SGCZ: variants seen among roughly 807,000 people sequenced by gnomAD.
The protein encoded by SGCZ is zeta-sarcoglycan.
Under a neutral mutation model 41.3 loss-of-function variants are expected in SGCZ, and 40 were observed. That is an observed-to-expected ratio of 0.97 (90% CI 0.75 to 1.26). The LOEUF (loss-of-function observed/expected upper bound fraction) is 1.26. Ranked by LOEUF, SGCZ falls within the 50% of genes most tolerant of loss-of-function variation. The probability of loss-of-function intolerance (pLI) is 0.00; values close to 1 mark genes in which losing one functional copy is unlikely to be tolerated. For missense variants in SGCZ, 552 were observed against 369.8 expected, an observed-to-expected ratio of 1.49 and a Z score of -4.04; for synonymous variants, 206 against 137.5, an observed-to-expected ratio of 1.50 and a Z score of -3.49.
intron 2 of SGCZ, among the ~76,000 whole-genome samples, chr8:14,402,694 T>G: frequency 6.8e-6 from 1 of 146,178 alleles, no homozygotes; most frequent in Admixed American, 6.6e-5. Flanking sequence ...TACTATAGCC[T>G]TGTAGTATAG....
chr8:14,202,592 C>G (rs1442017573), intron 4 of SGCZ, among the ~76,000 whole-genome samples: 1 of 151,968 alleles, frequency 6.6e-6, no homozygotes, highest in Admixed American at 6.6e-5. Context: ...TATTCTAAAG[C>G]TAGGTTGGTA....
At chr8:14,586,560 T>C (rs190237463) in intron 1 of SGCZ, among the ~76,000 whole-genome samples, 171 of 152,260 alleles carry the variant, frequency 1.1e-3, no homozygotes, top group African/African-American at 3.9e-3. Context: ...ATTTTAAGCA[T>C]TTTTAATTAA....
intron 1 of SGCZ, among the ~76,000 whole-genome samples, chr8:15,113,207 C>CAA (rs59453647): frequency 1.8e-4 from 23 of 128,166 alleles, no homozygotes; most frequent in African/African-American, 4.6e-4. Context: ...AGACCTGGCT[C>CAA]AAAAAAAAAA....
At chr8:14,651,175 T>C (rs1262292421) in intron 1 of SGCZ, among the ~76,000 whole-genome samples, 1 of 152,050 alleles carries the variant, frequency 6.6e-6, no homozygotes, top group East Asian at 1.9e-4. Flanking sequence ...CATTTAAATA[T>C]ACACTATGAG....
chr8:14,290,022 C>T (rs890475711), intron 3 of SGCZ, among the ~76,000 whole-genome samples: 67 of 151,804 alleles, frequency 4.4e-4, no homozygotes, highest in African/African-American at 1.0e-3. Context: ...AGCATTATCA[C>T]GAGAACAGCA....
intron 4 of SGCZ, among the ~76,000 whole-genome samples, chr8:14,230,150 T>G (rs559026608): frequency 2.4e-4 from 36 of 152,220 alleles, no homozygotes; most frequent in African/African-American, 7.5e-4. Context: ...TAAGGACCAG[T>G]AGATTCATCA....
intron 1 of SGCZ, among the ~76,000 whole-genome samples, chr8:14,648,876 T>G (rs1410567124): frequency 2.0e-5 from 3 of 152,124 alleles, no homozygotes; most frequent in African/African-American, 7.2e-5. Flanking sequence ...GTTTTACTGC[T>G]GGCATATATT....
At chr8:14,751,492 G>T (rs1311657971) in intron 1 of SGCZ, among the ~76,000 whole-genome samples, 1 of 152,108 alleles carries the variant, frequency 6.6e-6, no homozygotes. Context: ...TAAAGGCCAT[G>T]AAAAGGATTA....
intron 3 of SGCZ, among the ~76,000 whole-genome samples, chr8:14,257,025 T>C (rs556358738): frequency 1.6e-4 from 25 of 152,234 alleles, no homozygotes; most frequent in Non-Finnish European, 3.4e-4. Flanking sequence ...TGATACAATA[T>C]TAAGCTAGAT....
At chr8:14,183,464 A>G (rs1393275350) in intron 4 of SGCZ, among the ~76,000 whole-genome samples, 1 of 152,204 alleles carries the variant, frequency 6.6e-6, no homozygotes, top group Non-Finnish European at 1.5e-5. Flanking sequence ...AAAAATTACA[A>G]GATAATTTTG....
At position 14,294,500 on chromosome 8, in the gene SGCZ, T is replaced by G. The variant is rs59870555; in HGVS notation, c.336+29603A>C. Among the ~76,000 whole-genome samples, 953 of 152,108 alleles carry G rather than the reference T, an allele frequency of 6.3e-3. 9 individuals carry two copies. The highest frequency in any genetic ancestry group is 0.022 in the African/African-American group (913 of 41,536). ...AACATTGCTGCGATCTTATCTTACA[T>G]AAATTTTTTTAGATACAGTACCAAA... On this transcript the variant is annotated intron_variant, in intron 3 of 7. Transcript: ENST00000382080.
In SGCZ at chr8:14,290,517, T is replaced by C. The variant is rs575226259; in HGVS notation, c.336+33586A>G. Among the ~76,000 whole-genome samples, 13 of 152,122 alleles carry C rather than the reference T, an allele frequency of 8.5e-5. No individual in the cohort carries two copies. In the East Asian group the frequency reaches 2.5e-3, roughly 29 times the overall value. Reference sequence around the variant, plus strand: ...ACAAAATAATGACCTCATTTAAAAATGGGTCAAAAACCTGAATAGACATTT... The same window carrying C: ...ACAAAATAATGACCTCATTTAAAAACGGGTCAAAAACCTGAATAGACATTT... On this transcript the variant is annotated intron_variant, in intron 3 of 7. Coordinates refer to ENST00000382080, the MANE Select transcript of SGCZ (RefSeq NM_139167.4).
chr8:14,400,759 T>TA (rs910027226), intron 2 of SGCZ, among the ~76,000 whole-genome samples: 5 of 133,876 alleles, frequency 3.7e-5, no homozygotes, highest in Admixed American at 2.2e-4. Flanking sequence ...TAATCAATAG[T>TA]ATTTTTTTTT....
chr8:14,093,438 G>A (rs1801749069), intron 7 of SGCZ, among the ~76,000 whole-genome samples: 2 of 152,050 alleles, frequency 1.3e-5, no homozygotes, highest in African/African-American at 4.8e-5. Context: ...TACAAGATCT[G>A]GCCTATCTCT....
chr8:14,929,087 G>T (rs989894431), intron 1 of SGCZ, among the ~76,000 whole-genome samples: 2 of 152,196 alleles, frequency 1.3e-5, no homozygotes, highest in South Asian at 4.1e-4. Context: ...CACCTCCCGG[G>T]TTCAAGTGAT....
At chr8:14,753,222 A>T (rs897409052) in intron 1 of SGCZ, among the ~76,000 whole-genome samples, 1 of 152,220 alleles carries the variant, frequency 6.6e-6, no homozygotes, top group Middle Eastern at 3.4e-3. Context: ...CTAAATTAAC[A>T]CACTTTTCTC....
At chr8:14,245,387 G>C (rs1226517043) in intron 3 of SGCZ, among the ~76,000 whole-genome samples, 1 of 152,140 alleles carries the variant, frequency 6.6e-6, no homozygotes, top group African/African-American at 2.4e-5. Context: ...AAACTGGCTA[G>C]CCATATGTAG....
chr8:15,107,649 T>A (rs541607691), intron 1 of SGCZ, among the ~76,000 whole-genome samples: 5 of 151,962 alleles, frequency 3.3e-5, no homozygotes, highest in African/African-American at 9.7e-5. Flanking sequence ...TACATAAACC[T>A]TTTTTTTGTT....
intron 1 of SGCZ, among the ~76,000 whole-genome samples, chr8:14,908,327 A>T (rs1459816301): frequency 6.6e-6 from 1 of 152,216 alleles, no homozygotes; most frequent in Non-Finnish European, 1.5e-5. Flanking sequence ...ATTATTCAAC[A>T]AATATTTACC....
Sources: gnomAD v4.1 joint callset for allele counts (sites outside exome capture counted in the v4.1 genomes callset) on GRCh38, gnomAD v4.1.1 for gene constraint, MANE v1.5 for transcripts, NCBI Gene and HGNC (gene_info 2026-07-23, HGNC 2026-07-21) for gene names.